CSMD2: variants seen among roughly 807,000 people sequenced by gnomAD.
The protein encoded by CSMD2 is CUB and sushi domain-containing protein 2.
CSMD2 carries 130 observed loss-of-function variants against 398.5 expected under a neutral mutation model. That is an observed-to-expected ratio of 0.33 (90% confidence interval 0.28 to 0.38). CSMD2 has a LOEUF of 0.38. Among genes scored for constraint, CSMD2 ranks in the 10% least tolerant of loss-of-function variants. The pLI, the probability that CSMD2 is intolerant of heterozygous loss-of-function variation, is 1.00. For missense variants in CSMD2, 3,829 were observed against 4,764.9 expected (o/e 0.80, Z 5.78); for synonymous variants, 1,828 against 1,908.5 (o/e 0.96, Z 1.10).
At chr1:33,884,402 T>C (rs1641446678) in intron 5 of CSMD2, among the ~76,000 whole-genome samples, 1 of 151,982 alleles carries the variant, frequency 6.6e-6, no homozygotes, top group South Asian at 2.1e-4. Context: ...TGCCACTTCC[T>C]GCCATCCCAC....
At chr1:34,115,829 A>G (rs1327802499) in intron 1 of CSMD2, among the ~76,000 whole-genome samples, 2 of 151,996 alleles carry the variant, frequency 1.3e-5, no homozygotes, top group Non-Finnish European at 2.9e-5. Flanking sequence ...GGGAGAAAGA[A>G]GGTGTAATAG....
chr1:33,800,535 G>C (rs1655467029), intron 10 of CSMD2, among the ~76,000 whole-genome samples: 1 of 152,144 alleles, frequency 6.6e-6, no homozygotes, highest in African/African-American at 2.4e-5. Flanking sequence ...GGCTTTGGAG[G>C]GGCATTGGCA....
chr1:34,081,172 A>G (rs1331667739), intron 2 of CSMD2, among the ~76,000 whole-genome samples: 2 of 152,172 alleles, frequency 1.3e-5, no homozygotes, highest in Non-Finnish European at 2.9e-5. Context: ...TCAGTAGATT[A>G]AAAATCATGC....
At chr1:34,130,664 T>C (rs1240131464) in intron 1 of CSMD2, among the ~76,000 whole-genome samples, 1 of 152,094 alleles carries the variant, frequency 6.6e-6, no homozygotes, top group Admixed American at 6.5e-5. Context: ...CAGGGATCGA[T>C]TGTCCCAGGG....
At chr1:33,608,389 T>G (rs539899925) in intron 41 of CSMD2, among the ~76,000 whole-genome samples, 8 of 152,124 alleles carry the variant, frequency 5.3e-5, no homozygotes, top group African/African-American at 1.2e-4. Flanking sequence ...CCTGGCACAA[T>G]GGTGGCACTG....
intron 3 of CSMD2, among the ~76,000 whole-genome samples, chr1:34,009,611 C>A (rs1267382983): frequency 6.6e-6 from 1 of 151,980 alleles, no homozygotes; most frequent in Non-Finnish European, 1.5e-5. Context: ...TAACCACTGC[C>A]CTCCCCACTG....
At chr1:33,855,278 G>A (rs536473781) in intron 5 of CSMD2, among the ~76,000 whole-genome samples, 2 of 152,234 alleles carry the variant, frequency 1.3e-5, no homozygotes, top group South Asian at 4.2e-4. Context: ...TACATCATAT[G>A]ACCCATAGGC....
At chr1:34,150,226 C>T (rs1057369804) in intron 1 of CSMD2, among the ~76,000 whole-genome samples, 2 of 151,836 alleles carry the variant, frequency 1.3e-5, no homozygotes, top group African/African-American at 2.4e-5. Flanking sequence ...GGACTACAGG[C>T]GTGTGCCGCC....
At chr1:34,077,568 C>G (rs1003226632) in intron 2 of CSMD2, among the ~76,000 whole-genome samples, 14 of 145,780 alleles carry the variant, frequency 9.6e-5, no homozygotes, top group African/African-American at 1.5e-4. Flanking sequence ...AACCCCGTCT[C>G]TATTAAAAAA....
intron 3 of CSMD2, among the ~76,000 whole-genome samples, chr1:33,966,362 C>T (rs2125408674): frequency 6.6e-6 from 1 of 152,248 alleles, no homozygotes; most frequent in South Asian, 2.1e-4. Flanking sequence ...ATCTTTGATC[C>T]AGGACGTAAT....
Position 33,635,147 on chromosome 1 carries a change from A to T in CSMD2, c.5086+67T>A, listed in dbSNP as rs898432427. The T allele has an allele frequency of 5.3e-6, 5 of 949,396 alleles. No homozygotes were observed. The highest frequency in any genetic ancestry group is 8.4e-6 in the Non-Finnish European group (5 of 596,672). 58.8% of individuals were successfully genotyped at this position (949,396 alleles called of 1,614,324 possible). A position where few individuals can be genotyped will look rare whatever the true frequency, so the allele number is the denominator to read the frequency against. ...TATATAATTGGGAGGCGTCTGAGGA[A>T]TTGCTCATTTTGGAATGAGGGTGAG... On this transcript the variant is annotated intron_variant, in intron 31 of 70. Transcript: ENST00000373381. This position sits in a 1 kb window ranked among gnomAD's most constrained non-coding sequence, Gnocchi z 5.0.
rs552703439 is a variant in CSMD2 at position 34,056,594 on chromosome 1, C to T, written c.405-23888G>A. Among the ~76,000 whole-genome samples, 5 of 152,280 alleles carry T rather than the reference C, an allele frequency of 3.3e-5. No individual in the cohort carries two copies. In the East Asian group the frequency reaches 9.6e-4, roughly 29 times the overall value. On this transcript the variant is annotated intron_variant, in intron 2 of 70. Transcript: ENST00000373381. Reference sequence around the variant, plus strand: ...ATGTACGGTTAACAATGGTATCTACCTTACAGAGTGTTGAGAGGTTTCAAT... The same window carrying T: ...ATGTACGGTTAACAATGGTATCTACTTTACAGAGTGTTGAGAGGTTTCAAT...
At chr1:33,618,012 G>T (rs1641504419) in intron 37 of CSMD2, among the ~76,000 whole-genome samples, 1 of 59,002 alleles carries the variant, frequency 1.7e-5, no homozygotes, top group Non-Finnish European at 3.6e-5. Context: ...GATCCTGTGG[G>T]CTAAGACAGA....
At chr1:34,122,638 G>T (rs1170140007) in intron 1 of CSMD2, among the ~76,000 whole-genome samples, 1 of 152,128 alleles carries the variant, frequency 6.6e-6, no homozygotes, top group African/African-American at 2.4e-5. Flanking sequence ...CTCCCCCAGA[G>T]TTTTAATTTT....
At chr1:33,937,704 C>T (rs1303882096) in intron 3 of CSMD2, among the ~76,000 whole-genome samples, 2 of 152,204 alleles carry the variant, frequency 1.3e-5, no homozygotes, top group Non-Finnish European at 2.9e-5. Flanking sequence ...AACCAGGTGC[C>T]ATCATGTCTT....
chr1:34,131,858 A>G (rs1310702265), intron 1 of CSMD2, among the ~76,000 whole-genome samples: 4 of 151,850 alleles, frequency 2.6e-5, no homozygotes, highest in South Asian at 4.2e-4. Flanking sequence ...ACCCTTTCCC[A>G]CTGCAATGCA....
rs781212299 is a variant in CSMD2, at chr1:33,646,744, G to T, written c.4678C>A (p.Leu1560Ile). The T allele has an allele frequency of 6.2e-7, 1 of 1,614,058 alleles. No homozygotes were observed. Among genetic ancestry groups the T allele is most frequent in the African/African-American group, 1.3e-5 (1 of 74,920 alleles). Residue 1560 changes from leucine (L) to isoleucine (I), a missense_variant, in exon 29 of 71, where the codon CTC (leucine) becomes ATC (isoleucine). Coordinates refer to ENST00000373381, the MANE Select transcript of CSMD2 (RefSeq NM_001281956.2). Reference sequence around the variant, plus strand: ...CTGCTGCTTTCAATGCGGCCTGGGAGCTGGGAGCCATAGAAGCTTCCTATG... The same window carrying T: ...CTGCTGCTTTCAATGCGGCCTGGGATCTGGGAGCCATAGAAGCTTCCTATG... ...PLIGSFYGSQ[L>I]PGRIESSSNS...
intron 3 of CSMD2, among the ~76,000 whole-genome samples, chr1:34,028,876 C>A (rs564095952): frequency 1.8e-4 from 28 of 152,324 alleles, no homozygotes; most frequent in Admixed American, 7.8e-4. Flanking sequence ...GTTTGACTAC[C>A]GGCCTTTTTG....
At chr1:33,914,560 G>T (rs1643628562) in intron 5 of CSMD2, among the ~76,000 whole-genome samples, 1 of 152,120 alleles carries the variant, frequency 6.6e-6, no homozygotes, top group African/African-American at 2.4e-5. Context: ...CTTTTAGGGG[G>T]AGTAAGTCTA....
Sources: allele counts gnomAD v4.1 joint callset (sites outside exome capture counted in the v4.1 genomes callset), GRCh38; gene constraint gnomAD v4.1.1; non-coding constraint Gnocchi (gnomAD v3.1); transcripts MANE v1.5; gene names NCBI Gene and HGNC (gene_info 2026-07-23, HGNC 2026-07-21).